The following RCAN1 variants were observed in gnomAD, a reference collection of about 807,000 sequenced individuals.
RCAN1 encodes calcipressin-1.
A neutral mutation model predicts 22.9 loss-of-function variants in RCAN1; 11 were observed. That is an observed-to-expected ratio of 0.48 (90% CI 0.30 to 0.79). RCAN1 has a LOEUF of 0.79. Ranked by LOEUF, RCAN1 falls within the 30% of genes least tolerant of loss-of-function variation. The pLI is 0.06. For synonymous variants in RCAN1, 136 were observed against 142.3 expected (o/e 0.96, Z 0.32); for missense variants, 291 against 337.8 (o/e 0.86, Z 1.09).
chr21:34,558,123 A>C (rs1296629832), intron 1 of RCAN1, among the ~76,000 whole-genome samples: 1 of 152,320 alleles, frequency 6.6e-6, no homozygotes, highest in African/African-American at 2.4e-5. Context: ...GAAAAGGATA[A>C]TGCTTTTCAT....
chr21:34,597,656 T>C (rs1988206322), intron 1 of RCAN1, among the ~76,000 whole-genome samples: 1 of 152,228 alleles, frequency 6.6e-6, no homozygotes, highest in Non-Finnish European at 1.5e-5. Context: ...GGTGAAAGAC[T>C]AGCGTGTTTC....
chr21:34,537,680 T>C (rs1985732914), intron 1 of RCAN1, among the ~76,000 whole-genome samples: 1 of 152,244 alleles, frequency 6.6e-6, no homozygotes, highest in Non-Finnish European at 1.5e-5. Context: ...AACAGATTAG[T>C]CACCTGCTAG....
intron 1 of RCAN1, among the ~76,000 whole-genome samples, chr21:34,530,015 G>A (rs1416070105): frequency 6.6e-6 from 1 of 152,180 alleles, no homozygotes; most frequent in Admixed American, 6.5e-5. Context: ...GGCCTCCCCA[G>A]CCATGTGGAA....
intron 1 of RCAN1, among the ~76,000 whole-genome samples, chr21:34,562,055 C>T (rs140164056): frequency 6.6e-6 from 1 of 152,354 alleles, no homozygotes; most frequent in East Asian, 1.9e-4. Flanking sequence ...GAGTGGGGCA[C>T]TCCCAGATCT....
intron 3 of RCAN1, among the ~76,000 whole-genome samples, chr21:34,519,397 C>CTTTTTTTTTTTTTTTTTTTTTTTTTT (rs34152667): frequency 2.9e-5 from 3 of 102,786 alleles, no homozygotes; most frequent in Admixed American, 1.1e-4. Context: ...TTCTTTCTTT[C>CTTTTTTTTTTTTTTTTTTTTTTTTTT]TTTTTTTTTT....
Position 34,521,541 on chromosome 21 carries a change from T to C in RCAN1, c.544A>G (p.Ile182Val). The change falls in exon 3 of 4, where the codon ATA (isoleucine) becomes GTA (valine). Residue 182 changes from isoleucine (I) to valine (V), a missense_variant. Ile to Val is a conservative substitution (Grantham distance 29, BLOSUM62 3). Transcript: ENST00000313806. ...WKQVEDATPVINYDLLYAISK... is the reference protein window; with the variant it reads ...WKQVEDATPVVNYDLLYAISK... ...ATGGCATATAAGAGATCATAGTTTA[T>C]GACTGGGGTCGCATCTTCCACTTGT... 6.2e-7 allele frequency: 1 copy of C among 1,614,244 alleles called. No homozygotes were observed. Among genetic ancestry groups the C allele is most frequent in the Non-Finnish European group, 8.5e-7 (1 of 1,180,028 alleles).
intron 1 of RCAN1, among the ~76,000 whole-genome samples, chr21:34,612,510 T>A (rs921773176): frequency 6.6e-6 from 1 of 152,210 alleles, no homozygotes; most frequent in African/African-American, 2.4e-5. Context: ...CTAACTCCTC[T>A]GTGTAAGTCC....
At chr21:34,600,959 T>A (rs1021944848) in intron 1 of RCAN1, among the ~76,000 whole-genome samples, 4 of 152,224 alleles carry the variant, frequency 2.6e-5, no homozygotes, top group Non-Finnish European at 5.9e-5. Context: ...CAAACACACA[T>A]GCATGCAGGC....
Position 34,614,880 on chromosome 21 carries a change from C to G in RCAN1, c.132G>C (p.Glu44Asp). ...CAATGAAGCTCCAGTCGCCGCCGCC[C>G]TCGTCCGCCTCGGCCGCCCCCGAGA... ...APLSGAAEAD[E>D]GGGDWSFIDC... Residue 44 changes from glutamate (E) to aspartate (D), a missense_variant, in exon 1 of 4, where the codon GAG becomes GAC. Glu to Asp is a conservative substitution (Grantham distance 45, BLOSUM62 2). Transcript: ENST00000313806. This position sits in a 1 kb window ranked among gnomAD's most constrained non-coding sequence, Gnocchi z 6.0. 6.9e-7 allele frequency: 1 copy of G among 1,450,606 alleles called. No homozygotes were observed. The highest frequency in any genetic ancestry group is 1.3e-5 in the South Asian group (1 of 79,416). The allele number at this position is 1,450,606 out of a possible 1,614,324, so 89.9% of individuals were successfully genotyped here.
chr21:34,580,004 T>G (rs985398025), intron 1 of RCAN1, among the ~76,000 whole-genome samples: 2 of 152,250 alleles, frequency 1.3e-5, no homozygotes, highest in Non-Finnish European at 2.9e-5. Flanking sequence ...ACTATCCGTC[T>G]GATTCTCCCA....
At chr21:34,572,358 G>A (rs1987263762) in intron 1 of RCAN1, among the ~76,000 whole-genome samples, 1 of 152,088 alleles carries the variant, frequency 6.6e-6, no homozygotes, top group East Asian at 1.9e-4. Flanking sequence ...GACACCATGT[G>A]CCCTCTTTCT....
In RCAN1 at chr21:34,518,335, G is replaced by T; in HGVS notation, c.587-79C>A. 1 of 1,450,812 alleles carries T rather than the reference G, an allele frequency of 6.9e-7. No homozygotes were observed. The highest frequency in any genetic ancestry group is 9.4e-7 in the Non-Finnish European group (1 of 1,065,206). 89.9% of individuals were successfully genotyped at this position (1,450,812 alleles called of 1,614,324 possible). The stretch of plus-strand genomic sequence containing the variant: ...AGGCAAACATAAAAGAGCATTCAGG[G>T]CTCTGCTGGGCCAGCTGCTCGTGAC... On this transcript the variant is annotated intron_variant, in intron 3 of 3. Transcript: ENST00000313806. This position sits in a 1 kb window ranked among gnomAD's most constrained non-coding sequence, Gnocchi z 4.2.
intron 1 of RCAN1, among the ~76,000 whole-genome samples, chr21:34,604,719 G>A (rs1194580638): frequency 6.6e-6 from 1 of 152,240 alleles, no homozygotes; most frequent in Non-Finnish European, 1.5e-5. Context: ...TGAGTTCCGT[G>A]AAGGGAGAGG....
intron 1 of RCAN1, among the ~76,000 whole-genome samples, chr21:34,600,316 A>G (rs1023473352): frequency 2.6e-5 from 4 of 152,202 alleles, no homozygotes; most frequent in Admixed American, 2.6e-4. Flanking sequence ...GAACCATCAC[A>G]AGTTGATTTT....
intron 1 of RCAN1, among the ~76,000 whole-genome samples, chr21:34,606,525 T>C (rs1244359539): frequency 6.6e-6 from 1 of 152,212 alleles, no homozygotes; most frequent in Non-Finnish European, 1.5e-5. Context: ...TTTATTATCT[T>C]TAAAATAAAG....
At chr21:34,570,904 A>G (rs1052552985) in intron 1 of RCAN1, among the ~76,000 whole-genome samples, 1 of 152,214 alleles carries the variant, frequency 6.6e-6, no homozygotes, top group African/African-American at 2.4e-5. Flanking sequence ...CATTGACTCA[A>G]GCAAGTTGCA....
intron 1 of RCAN1, among the ~76,000 whole-genome samples, chr21:34,601,129 A>G (rs1344845517): frequency 6.6e-6 from 1 of 152,248 alleles, no homozygotes; most frequent in Non-Finnish European, 1.5e-5. Context: ...TTCCACTGAT[A>G]CACAAATATT....
At chr21:34,535,343 C>T (rs2834509) in intron 1 of RCAN1, among the ~76,000 whole-genome samples, 55,181 of 151,476 alleles carry the variant, frequency 0.36, 11,164 homozygotes, top group African/African-American at 0.56. Context: ...TAGTATTGCT[C>T]TCTTACTGGT....
rs979090702 is a variant in RCAN1 at position 34,614,617 on chromosome 21, G to A, written c.252+143C>T. 4.2e-5 allele frequency: 44 copies of A among 1,059,360 alleles called. No individual in the cohort carries two copies. Among genetic ancestry groups the A allele is most frequent in the Non-Finnish European group, 5.0e-5 (43 of 859,872 alleles). The allele number at this position is 1,059,360 out of a possible 1,614,324, so 65.6% of individuals were successfully genotyped here. A position where few individuals can be genotyped will look rare whatever the true frequency, so the allele number is the denominator to read the frequency against. ...GCCGTCCCCACGCCCCAGCCCTGAC[G>A]GGTCCGCGGCCGAGCAGCCCGGGGG... On this transcript the variant is annotated intron_variant, in intron 1 of 3. Coordinates refer to ENST00000313806, the MANE Select transcript of RCAN1 (RefSeq NM_004414.7). The surrounding 1 kb of genome is among the most constrained non-coding windows in gnomAD (Gnocchi z 6.0).
Sources: gnomAD v4.1 joint callset for allele counts (sites outside exome capture counted in the v4.1 genomes callset) on GRCh38, gnomAD v4.1.1 for gene constraint, Gnocchi (gnomAD v3.1) non-coding constraint, MANE v1.5 for transcripts, NCBI Gene and HGNC (gene_info 2026-07-23, HGNC 2026-07-21) for gene names.